The following SPSB4 variants were observed in gnomAD, a reference collection of about 807,000 sequenced individuals.
SPSB4 encodes the protein SPRY domain-containing SOCS box protein 4.
Under a neutral mutation model 20.9 loss-of-function variants are expected in SPSB4, and 21 were observed. The observed-to-expected ratio is 1.01, with a 90% CI of 0.71 to 1.45. SPSB4 has a LOEUF of 1.45. Ranked by LOEUF, SPSB4 falls within the 40% of genes most tolerant of loss-of-function variation. The probability of loss-of-function intolerance (pLI) is 0.00; values close to 1 mark genes in which losing one functional copy is unlikely to be tolerated. For synonymous variants in SPSB4, 207 were observed against 183.8 expected (o/e 1.13, Z -1.02); for missense variants, 399 against 399.2 (o/e 1.00, Z 0.00).
At chr3:141,097,157 G>A (rs796596119) in intron 2 of SPSB4, among the ~76,000 whole-genome samples, 3 of 152,310 alleles carry the variant, frequency 2.0e-5, no homozygotes, top group African/African-American at 4.8e-5. Context: ...GCTCCCAGCC[G>A]CCATGTGACC....
At chr3:141,054,103 C>T (rs911434660) in intron 1 of SPSB4, among the ~76,000 whole-genome samples, 2 of 152,206 alleles carry the variant, frequency 1.3e-5, no homozygotes, top group African/African-American at 4.8e-5. Flanking sequence ...AGAAAGTGGC[C>T]AAGCCACAGT....
chr3:141,103,358 C>T (rs1454812082), intron 2 of SPSB4, among the ~76,000 whole-genome samples: 1 of 152,122 alleles, frequency 6.6e-6, no homozygotes, highest in African/African-American at 2.4e-5. Flanking sequence ...AGGGGCCCCA[C>T]GACAGGGAGC....
chr3:141,140,153 C>T (rs542803804), intron 2 of SPSB4, among the ~76,000 whole-genome samples: 5 of 152,256 alleles, frequency 3.3e-5, no homozygotes, highest in East Asian at 1.9e-4. Context: ...GCATTCGTCA[C>T]GTGGTTCTTG....
chr3:141,132,161 C>T (rs1181049243), intron 2 of SPSB4: 1 of 432,470 alleles, frequency 2.3e-6, no homozygotes, highest in African/African-American at 2.1e-5. Context: ...TCCCTAAAGT[C>T]CATTATATCT....
rs117097269 is a variant in SPSB4 at position 141,078,474 on chromosome 3, T to G, written c.694+11676T>G. ...AATGCTCCAGATTCCCAGGAACCGG[T>G]TGGGGAGCTCAGTCTAGGGCAGAAG... On this transcript the variant is annotated intron_variant, in intron 2 of 2. Transcript: ENST00000310546. 3.5e-3 allele frequency among the ~76,000 whole-genome samples: 539 copies of G among 152,152 alleles called. 8 individuals are homozygous for G. The highest frequency in any genetic ancestry group is 0.032 in the East Asian group (167 of 5,174).
chr3:141,107,022 C>T (rs1576533125), intron 2 of SPSB4, among the ~76,000 whole-genome samples: 1 of 152,262 alleles, frequency 6.6e-6, no homozygotes, highest in East Asian at 1.9e-4. Context: ...TCCTGGAATC[C>T]ACTCTCATGG....
chr3:141,061,874 T>A (rs1307187713), intron 1 of SPSB4, among the ~76,000 whole-genome samples: 2 of 152,134 alleles, frequency 1.3e-5, no homozygotes, highest in Non-Finnish European at 2.9e-5. Flanking sequence ...TAGCTGGGAC[T>A]ACAGGCGTGT....
At chr3:141,137,212 G>T (rs1939243844) in intron 2 of SPSB4, among the ~76,000 whole-genome samples, 1 of 152,208 alleles carries the variant, frequency 6.6e-6, no homozygotes, top group Admixed American at 6.5e-5. Flanking sequence ...CTTTCCTGAA[G>T]TTTCTTATCA....
intron 2 of SPSB4, among the ~76,000 whole-genome samples, chr3:141,069,737 C>A (rs1055927748): frequency 6.6e-6 from 1 of 152,096 alleles, no homozygotes; most frequent in Non-Finnish European, 1.5e-5. Context: ...TAAAGCTCAC[C>A]GGCACAGAGC....
chr3:141,099,793 C>G (rs1226093919), intron 2 of SPSB4, among the ~76,000 whole-genome samples: 4 of 152,158 alleles, frequency 2.6e-5, no homozygotes, highest in Non-Finnish European at 5.9e-5. Flanking sequence ...CATCGTGGCA[C>G]CAGAATGTGC....
intron 2 of SPSB4, among the ~76,000 whole-genome samples, chr3:141,113,373 G>T (rs1340959875): frequency 6.6e-6 from 1 of 152,110 alleles, no homozygotes; most frequent in Non-Finnish European, 1.5e-5. Flanking sequence ...CAGCCAAAAG[G>T]TGCAAACAGC....
intron 2 of SPSB4, among the ~76,000 whole-genome samples, chr3:141,117,317 T>C (rs1231758574): frequency 1.3e-5 from 2 of 152,158 alleles, no homozygotes; most frequent in Non-Finnish European, 2.9e-5. Flanking sequence ...CTAGGTCTTC[T>C]AAGTCCAGGC....
chr3:141,066,777 CG>C lies in SPSB4; in HGVS notation c.674del (p.Arg225ProfsTer13). On this transcript the variant is annotated frameshift_variant, in exon 2 of 3. Coordinates refer to ENST00000310546, the MANE Select transcript of SPSB4 (RefSeq NM_080862.3). LOFTEE classifies it high-confidence loss of function. ...AVWGHCEVTM[R>X]YINGLDPEPL... ...GTGGGGCCACTGTGAAGTCACCATG[CG>C]CTACATCAACGGCCTTGACCGTAAG... 4 of 1,561,158 alleles carry C rather than the reference CG, an allele frequency of 2.6e-6. No individual in the cohort carries two copies. The highest frequency in any genetic ancestry group is 3.5e-6 in the Non-Finnish European group (4 of 1,150,172).
At chr3:141,107,580 G>A (rs949868701) in intron 2 of SPSB4, among the ~76,000 whole-genome samples, 1 of 152,206 alleles carries the variant, frequency 6.6e-6, no homozygotes, top group African/African-American at 2.4e-5. Context: ...CCTTCTGGGA[G>A]TCTGTCTTGC....
intron 2 of SPSB4, among the ~76,000 whole-genome samples, chr3:141,114,550 C>G (rs1329010937): frequency 6.6e-6 from 1 of 152,198 alleles, no homozygotes; most frequent in Non-Finnish European, 1.5e-5. Context: ...TGTGCTGGCC[C>G]AGCAAGCAAC....
At chr3:141,128,143 G>C (rs1200371527) in intron 2 of SPSB4, among the ~76,000 whole-genome samples, 5 of 152,182 alleles carry the variant, frequency 3.3e-5, no homozygotes, top group African/African-American at 1.2e-4. Context: ...GGAAGGGGGT[G>C]GAGTGTGGTA....
intron 2 of SPSB4, among the ~76,000 whole-genome samples, chr3:141,113,537 CA>C (rs1411326230): frequency 6.6e-6 from 1 of 152,132 alleles, no homozygotes; most frequent in African/African-American, 2.4e-5. Context: ...AAACCTGATA[CA>C]AAAGGTCTCA....
intron 2 of SPSB4, among the ~76,000 whole-genome samples, chr3:141,139,871 A>G (rs1939294510): frequency 6.6e-6 from 1 of 152,054 alleles, no homozygotes; most frequent in Non-Finnish European, 1.5e-5. Context: ...CTGAATTCGA[A>G]TGTTGGCCTG....
At chr3:141,080,790 C>T (rs755901615) in intron 2 of SPSB4, among the ~76,000 whole-genome samples, 5 of 152,238 alleles carry the variant, frequency 3.3e-5, no homozygotes, top group Non-Finnish European at 7.3e-5. Flanking sequence ...TGTTCTGCCA[C>T]AGTGGACTGT....
Sources: allele counts gnomAD v4.1 joint callset (sites outside exome capture counted in the v4.1 genomes callset), GRCh38; gene constraint gnomAD v4.1.1; transcripts MANE v1.5; gene names NCBI Gene and HGNC (gene_info 2026-07-23, HGNC 2026-07-21).